CRIM1: variants seen among roughly 807,000 people sequenced by gnomAD.
The protein encoded by CRIM1 is cysteine rich transmembrane BMP regulator 1.
A neutral mutation model predicts 116.4 loss-of-function variants in CRIM1; 32 were observed. The observed-to-expected ratio is 0.27, with a 90% CI of 0.21 to 0.37. The LOEUF is 0.37. Ranked by LOEUF, CRIM1 falls within the 10% of genes least tolerant of loss-of-function variation. The probability of loss-of-function intolerance (pLI) is 1.00; values close to 1 mark genes in which losing one functional copy is unlikely to be tolerated. For missense variants in CRIM1, 1,331 were observed against 1,354.8 expected, an observed-to-expected ratio of 0.98 and a Z score of 0.28; for synonymous variants, 590 against 509.2, an observed-to-expected ratio of 1.16 and a Z score of -2.13.
intron 7 of CRIM1, among the ~76,000 whole-genome samples, chr2:36,495,479 T>A (rs7575847): frequency 0.52 from 64,506 of 122,924 alleles, 15,643 homozygotes; most frequent in East Asian, 0.71. Context: ...TTATTTATTT[T>A]TTTTTTTTTT....
intron 1 of CRIM1, among the ~76,000 whole-genome samples, chr2:36,391,218 C>A (rs1671568158): frequency 7.0e-6 from 1 of 142,686 alleles, no homozygotes; most frequent in Admixed American, 7.4e-5. Flanking sequence ...CAAGCTCCGC[C>A]TCTGGGTTCA....
intron 4 of CRIM1, among the ~76,000 whole-genome samples, chr2:36,462,329 C>T (rs531012271): frequency 3.3e-5 from 5 of 152,296 alleles, no homozygotes; most frequent in African/African-American, 9.6e-5. Context: ...CTATAAGAAA[C>T]TTGCACTTGT....
At chr2:36,460,734 C>T (rs997347417) in intron 4 of CRIM1, among the ~76,000 whole-genome samples, 1 of 152,104 alleles carries the variant, frequency 6.6e-6, no homozygotes, top group African/African-American at 2.4e-5. Flanking sequence ...AGTTCACTTC[C>T]ACTTAAGAAA....
intron 2 of CRIM1, among the ~76,000 whole-genome samples, chr2:36,436,315 A>G (rs1287943420): frequency 1.3e-5 from 2 of 152,198 alleles, no homozygotes; most frequent in African/African-American, 2.4e-5. Context: ...GGGATTCTAG[A>G]TAATTTATTG....
intron 14 of CRIM1, among the ~76,000 whole-genome samples, chr2:36,543,518 A>G (rs1266599054): frequency 6.6e-6 from 1 of 152,200 alleles, no homozygotes; most frequent in Non-Finnish European, 1.5e-5. Context: ...TCAGTGAATA[A>G]TATGGCAGGA....
At chr2:36,416,434 T>C (rs1031664589) in intron 2 of CRIM1, among the ~76,000 whole-genome samples, 1 of 152,138 alleles carries the variant, frequency 6.6e-6, no homozygotes, top group African/African-American at 2.4e-5. Flanking sequence ...GGTTCCTTGA[T>C]TGAAAACAAT....
At chr2:36,506,992 T>C (rs1233963316) in intron 8 of CRIM1, among the ~76,000 whole-genome samples, 1 of 152,100 alleles carries the variant, frequency 6.6e-6, no homozygotes, top group Non-Finnish European at 1.5e-5. Context: ...CCCAAGTAGC[T>C]GGGATTACAT....
chr2:36,513,647 T>C lies in CRIM1; in HGVS notation c.1872T>C (p.Asp624=), dbSNP rs764953903. The C allele has an allele frequency of 6.2e-7, 1 of 1,614,180 alleles. No individual in the cohort carries two copies. Among genetic ancestry groups the C allele is most frequent in the South Asian group, 1.1e-5 (1 of 91,078 alleles). Residue 624 remains aspartate, a synonymous_variant, in exon 11 of 17, where the codon GAT becomes GAC. Coordinates refer to ENST00000280527, the MANE Select transcript of CRIM1 (RefSeq NM_016441.3). ...HHHKNEESWH[D]GCRECYCLNG... ...ATAAAAATGAGGAGAGCTGGCACGA[T>C]GGGTGCCGGGAATGCTACTGTCTCA...
At chr2:36,461,391 T>A (rs1677569134) in intron 4 of CRIM1, among the ~76,000 whole-genome samples, 1 of 152,180 alleles carries the variant, frequency 6.6e-6, no homozygotes, top group African/African-American at 2.4e-5. Context: ...ACAAAAAGAA[T>A]TAAAATGAAG....
chr2:36,544,576 T>C, intron 15 of CRIM1, 78 bp downstream of exon 15: 1 of 1,284,030 alleles, frequency 7.8e-7, no homozygotes, highest in Non-Finnish European at 1.0e-6. Context: ...TAAAATTTCC[T>C]ATGAGTAACT....
intron 1 of CRIM1, among the ~76,000 whole-genome samples, chr2:36,360,445 C>T (rs908113651): frequency 6.6e-6 from 1 of 152,196 alleles, no homozygotes; most frequent in African/African-American, 2.4e-5. Context: ...TATCTAAAAA[C>T]GACCTCTTTC....
At chr2:36,381,273 T>G (rs1274486225) in intron 1 of CRIM1, among the ~76,000 whole-genome samples, 1 of 151,522 alleles carries the variant, frequency 6.6e-6, no homozygotes, top group African/African-American at 2.4e-5. Flanking sequence ...GGCCTTGAGG[T>G]GGGATGGAGG....
intron 10 of CRIM1, among the ~76,000 whole-genome samples, chr2:36,512,962 C>T (rs771952233): frequency 6.6e-6 from 1 of 152,174 alleles, no homozygotes; most frequent in Non-Finnish European, 1.5e-5. Context: ...GCCGTTTCTG[C>T]CTTTACCCCA....
chr2:36,546,614 C>G (rs550965445), intron 15 of CRIM1, among the ~76,000 whole-genome samples: 2 of 152,128 alleles, frequency 1.3e-5, no homozygotes, highest in Non-Finnish European at 2.9e-5. Context: ...GTTTCTCCTT[C>G]GAAATCTGAG....
At chr2:36,364,508 C>T (rs188493295) in intron 1 of CRIM1, among the ~76,000 whole-genome samples, 225 of 152,264 alleles carry the variant, frequency 1.5e-3, no homozygotes, top group African/African-American at 5.1e-3. Flanking sequence ...AAGAGGGAGT[C>T]TAACCCAAAT....
intron 1 of CRIM1, among the ~76,000 whole-genome samples, chr2:36,365,571 T>C (rs765215412): frequency 1.3e-5 from 2 of 152,214 alleles, no homozygotes; most frequent in South Asian, 4.1e-4. Context: ...TGTGGACTAA[T>C]AGTCGAGGTT....
intron 15 of CRIM1, among the ~76,000 whole-genome samples, chr2:36,546,337 A>C (rs146876237): frequency 6.6e-6 from 1 of 152,222 alleles, no homozygotes; most frequent in African/African-American, 2.4e-5. Flanking sequence ...GTCATCATTC[A>C]TAAGTGCAAA....
chr2:36,542,028 A>T (rs1666977573), intron 14 of CRIM1, among the ~76,000 whole-genome samples: 1 of 151,994 alleles, frequency 6.6e-6, no homozygotes, highest in Non-Finnish European at 1.5e-5. Context: ...AAGGGAAATG[A>T]CTCTCTTCCC....
In CRIM1 at chr2:36,356,218, G is replaced by C. The variant is rs1234854172; in HGVS notation, c.-75G>C. ...TGCTGGTGCGGCGGCGGCGGCGCGTGTGCCCCGCGCAGGGGAGGGCGCCCG... is the reference window on the plus strand; with the variant it reads ...TGCTGGTGCGGCGGCGGCGGCGCGTCTGCCCCGCGCAGGGGAGGGCGCCCG... On this transcript the variant is annotated 5_prime_UTR_variant, in exon 1 of 17. Transcript: ENST00000280527. The surrounding 1 kb of genome is among the most constrained non-coding windows in gnomAD (Gnocchi z 4.3). 2 of 702,480 alleles carry C rather than the reference G, an allele frequency of 2.8e-6. No individual in the cohort carries two copies. Among genetic ancestry groups the C allele is most frequent in the Admixed American group, 4.6e-5 (1 of 21,662 alleles). 43.5% of individuals were successfully genotyped at this position (702,480 alleles called of 1,614,324 possible).
Sources: gnomAD v4.1 joint callset for allele counts (sites outside exome capture counted in the v4.1 genomes callset) on GRCh38, gnomAD v4.1.1 for gene constraint, Gnocchi (gnomAD v3.1) non-coding constraint, MANE v1.5 for transcripts, NCBI Gene and HGNC (gene_info 2026-07-23, HGNC 2026-07-21) for gene names.